GNAQ: variants seen among roughly 807,000 people sequenced by gnomAD.
GNAQ encodes guanine nucleotide-binding protein G(q) subunit alpha.
A neutral mutation model predicts 43.9 loss-of-function variants in GNAQ; 8 were observed. The ratio of observed to expected loss-of-function variants is 0.18; its 90% CI spans 0.11 to 0.33. GNAQ has a LOEUF of 0.33. GNAQ is among the 10% of genes least tolerant of loss of function. The pLI is 1.00. For synonymous variants in GNAQ, 155 were observed against 170.7 expected, an observed-to-expected ratio of 0.91 and a Z score of 0.71; for missense variants, 158 against 450.8, an observed-to-expected ratio of 0.35 and a Z score of 5.88.
At chr9:77,958,344 A>T (rs1386746125) in intron 1 of GNAQ, among the ~76,000 whole-genome samples, 1 of 152,168 alleles carries the variant, frequency 6.6e-6, no homozygotes, top group Non-Finnish European at 1.5e-5. Flanking sequence ...CAGAATAAAG[A>T]TTAGTTTTAA....
At chr9:77,880,794 GTTTTTCACTGCATGGAGTA>G (rs1054604937) in intron 2 of GNAQ, among the ~76,000 whole-genome samples, 28 of 152,072 alleles carry the variant, frequency 1.8e-4, no homozygotes, top group Admixed American at 3.9e-4. Context: ...CCTGGAGTGT[GTTTTTCACTGCATGGAGTA>G]TTTTTCACTG....
At chr9:77,802,652 T>C (rs1219263236) in intron 3 of GNAQ, among the ~76,000 whole-genome samples, 3 of 152,170 alleles carry the variant, frequency 2.0e-5, no homozygotes, top group Admixed American at 6.5e-5. Context: ...TGAGTGGCTG[T>C]TGAGGTCATT....
intron 1 of GNAQ, among the ~76,000 whole-genome samples, chr9:77,998,997 C>G (rs1302916264): frequency 7.0e-6 from 1 of 143,294 alleles, no homozygotes; most frequent in Non-Finnish European, 1.5e-5. Context: ...GGGGCTGAGG[C>G]AGGAGAATCA....
At chr9:77,853,263 T>G (rs1163248736) in intron 2 of GNAQ, among the ~76,000 whole-genome samples, 1 of 152,136 alleles carries the variant, frequency 6.6e-6, no homozygotes, top group Non-Finnish European at 1.5e-5. Flanking sequence ...ATGTGGCTCT[T>G]TGGGCATATT....
At chr9:77,860,733 C>G (rs986174862) in intron 2 of GNAQ, among the ~76,000 whole-genome samples, 4 of 152,176 alleles carry the variant, frequency 2.6e-5, no homozygotes, top group Admixed American at 2.6e-4. Context: ...CCATAACACA[C>G]TGAACAGTCC....
chr9:77,797,181 C>G (rs930101382), intron 4 of GNAQ, among the ~76,000 whole-genome samples: 1 of 151,920 alleles, frequency 6.6e-6, no homozygotes, highest in Non-Finnish European at 1.5e-5. Context: ...TACAGGTGCC[C>G]GCCAGCATGC....
intron 5 of GNAQ, among the ~76,000 whole-genome samples, chr9:77,755,432 T>C (rs1436677306): frequency 6.6e-6 from 1 of 152,194 alleles, no homozygotes; most frequent in Non-Finnish European, 1.5e-5. Flanking sequence ...GATGTGATTA[T>C]TACACACTGC....
At chr9:78,006,560 A>G (rs373726215) in intron 1 of GNAQ, among the ~76,000 whole-genome samples, 25 of 152,350 alleles carry the variant, frequency 1.6e-4, no homozygotes, top group South Asian at 1.0e-3. Flanking sequence ...AACCTTTCCA[A>G]GCATCATTCA....
At chr9:77,898,648 G>GATGA (rs1564144864) in intron 2 of GNAQ, among the ~76,000 whole-genome samples, 1 of 152,052 alleles carries the variant, frequency 6.6e-6, no homozygotes, top group Non-Finnish European at 1.5e-5. Flanking sequence ...TGGATGGATG[G>GATGA]ACAGATGGAA....
chr9:77,967,115 A>T (rs921070807), intron 1 of GNAQ, among the ~76,000 whole-genome samples: 4 of 152,182 alleles, frequency 2.6e-5, no homozygotes, highest in Non-Finnish European at 4.4e-5. Flanking sequence ...GGGAAATCTA[A>T]CGTGTAGGTG....
chr9:77,834,350 T>C (rs564538770), intron 2 of GNAQ, among the ~76,000 whole-genome samples: 7 of 152,314 alleles, frequency 4.6e-5, no homozygotes, highest in African/African-American at 1.4e-4. Context: ...TGAAGTAGCA[T>C]ATTGCTTTTT....
At chr9:77,748,754 G>T (rs1238894836) in intron 5 of GNAQ, among the ~76,000 whole-genome samples, 1 of 152,218 alleles carries the variant, frequency 6.6e-6, no homozygotes, top group East Asian at 1.9e-4. Flanking sequence ...AGCACAGCAA[G>T]AACATGACAA....
At chr9:78,029,217 T>C (rs893076430) in intron 1 of GNAQ, among the ~76,000 whole-genome samples, 4 of 151,666 alleles carry the variant, frequency 2.6e-5, no homozygotes, top group Non-Finnish European at 4.4e-5. Context: ...TTCAGGCAAA[T>C]AGGGTTGGCT....
intron 1 of GNAQ, among the ~76,000 whole-genome samples, chr9:77,923,189 A>AT (rs574850456): frequency 9.3e-4 from 142 of 152,154 alleles, no homozygotes; most frequent in African/African-American, 3.3e-3. Flanking sequence ...AAGAAGAATC[A>AT]TTTTTCTAGA....
chr9:77,828,216 T>C (rs1443025953), intron 2 of GNAQ, among the ~76,000 whole-genome samples: 3 of 151,520 alleles, frequency 2.0e-5, no homozygotes. Flanking sequence ...GTTCTTCTCT[T>C]TTATTTTCTA....
chr9:78,027,466 A>T (rs949121291), intron 1 of GNAQ, among the ~76,000 whole-genome samples: 1 of 152,214 alleles, frequency 6.6e-6, no homozygotes, highest in Non-Finnish European at 1.5e-5. Flanking sequence ...AGTGTACAAC[A>T]GGAAGAAAAT....
intron 1 of GNAQ, among the ~76,000 whole-genome samples, chr9:77,973,061 T>C (rs1241427766): frequency 1.3e-5 from 2 of 149,732 alleles, no homozygotes; most frequent in Non-Finnish European, 3.0e-5. Flanking sequence ...ACTTTAAGTA[T>C]AAATTTTCCC....
At chr9:77,993,787 A>G (rs575209870) in intron 1 of GNAQ, among the ~76,000 whole-genome samples, 6 of 152,330 alleles carry the variant, frequency 3.9e-5, no homozygotes, top group Non-Finnish European at 8.8e-5. Context: ...CAAAAGGAAA[A>G]ATAAAAAATG....
At chr9:77,838,223 AACCTCC>A (rs1827425326) in intron 2 of GNAQ, among the ~76,000 whole-genome samples, 1 of 144,158 alleles carries the variant, frequency 6.9e-6, no homozygotes, top group African/African-American at 2.6e-5. Flanking sequence ...GAGTCACCGC[AACCTCC>A]ACCTCCTGGG....
Sources: gnomAD v4.1 joint callset for allele counts (sites outside exome capture counted in the v4.1 genomes callset) on GRCh38, gnomAD v4.1.1 for gene constraint, MANE v1.5 for transcripts, NCBI Gene and HGNC (gene_info 2026-07-23, HGNC 2026-07-21) for gene names.